The following CTXN3 variants were observed in gnomAD, a reference collection of about 807,000 sequenced individuals.
CTXN3 encodes cortexin-3.
Under a neutral mutation model 5.0 loss-of-function variants are expected in CTXN3, and 4 were observed. The observed-to-expected ratio is 0.79, with a 90% CI of 0.39 to 1.82. CTXN3 has a LOEUF of 1.82. CTXN3 is among the 40% of genes most tolerant of loss of function. The probability of loss-of-function intolerance (pLI) is 0.04; values close to 1 mark genes in which losing one functional copy is unlikely to be tolerated. For synonymous variants in CTXN3, 48 were observed against 38.6 expected (o/e 1.24, Z -0.91); for missense variants, 89 against 99.7 (o/e 0.89, Z 0.46).
intron 1 of CTXN3, among the ~76,000 whole-genome samples, chr5:127,650,757 G>A (rs575226083): frequency 6.1e-4 from 93 of 152,326 alleles, no homozygotes; most frequent in African/African-American, 2.1e-3. Context: ...CTTAGATAAC[G>A]AGGTGGCTTA....
intron 2 of CTXN3, among the ~76,000 whole-genome samples, chr5:127,656,397 A>C (rs944225054): frequency 3.9e-5 from 6 of 152,196 alleles, no homozygotes. Context: ...TAAAATTAAA[A>C]TAGTGTTAGC....
At position 127,657,482 on chromosome 5, in the gene CTXN3, A is replaced by G. The variant is rs1749935718; in HGVS notation, c.-40A>G. On this transcript the variant is annotated 5_prime_UTR_variant, in exon 3 of 3. Coordinates refer to ENST00000379445, the MANE Select transcript of CTXN3 (RefSeq NM_001048252.3). ...CCTCCGCAGATTGATGATGGAAGAA[A>G]AGAAAACCAGGATATCCTGTGCTCT... 1.9e-6 allele frequency: 3 copies of G among 1,607,908 alleles called. No homozygotes were observed. The highest frequency in any genetic ancestry group is 2.5e-6 in the Non-Finnish European group (3 of 1,176,732).
chr5:127,652,172 G>A (rs745648939), intron 1 of CTXN3: 2 of 152,114 alleles, frequency 1.3e-5, no homozygotes, highest in Non-Finnish European at 2.9e-5. Flanking sequence ...ATAACTTATG[G>A]CTCTTCAAAT....
At chr5:127,654,791 C>T (rs1318948881) in intron 2 of CTXN3, among the ~76,000 whole-genome samples, 3 of 152,118 alleles carry the variant, frequency 2.0e-5, no homozygotes, top group Admixed American at 2.0e-4. Flanking sequence ...GTATCACCGT[C>T]CTAGTCAGCC....
At chr5:127,651,522 T>A (rs1402522999) in intron 1 of CTXN3, among the ~76,000 whole-genome samples, 1 of 152,142 alleles carries the variant, frequency 6.6e-6, no homozygotes, top group Admixed American at 6.5e-5. Context: ...TTTATAATTC[T>A]GGGCAGTTTA....
chr5:127,651,551 T>C (rs1233166543), intron 1 of CTXN3: 1 of 152,166 alleles, frequency 6.6e-6, no homozygotes, highest in African/African-American at 2.4e-5. Flanking sequence ...TTTCATACCT[T>C]AGTGTGCTTG....
At position 127,657,614 on chromosome 5, in the gene CTXN3, T is replaced by C. The variant is rs752562528; in HGVS notation, c.93T>C (p.Phe31=). Residue 31 remains phenylalanine, a synonymous_variant, in exon 3 of 3, where the codon TTT becomes TTC. Transcript: ENST00000379445. ...SSMSLEQKMT[F]VFVILLFIFL... ...TGTCCCTGGAGCAGAAAATGACATT[T>C]GTTTTTGTGATTCTGTTGTTTATTT... The C allele has an allele frequency of 3.1e-6, 5 of 1,614,220 alleles. No homozygotes were observed. The highest frequency in any genetic ancestry group is 4.2e-6 in the Non-Finnish European group (5 of 1,180,028).
intron 1 of CTXN3, among the ~76,000 whole-genome samples, chr5:127,651,008 C>G (rs1749773312): frequency 6.6e-6 from 1 of 152,166 alleles, no homozygotes; most frequent in African/African-American, 2.4e-5. Context: ...CCACAGTTAA[C>G]TTCAGAACTG....
At chr5:127,657,358 T>G in intron 2 of CTXN3, 65 bp from the exon 3 acceptor site, 4 of 705,908 alleles carry the variant, frequency 5.7e-6, no homozygotes, top group Non-Finnish European at 9.2e-6. Context: ...AAAATATGAC[T>G]GTGAACCTAA....
chr5:127,649,558 G>A (rs960445133), intron 1 of CTXN3, among the ~76,000 whole-genome samples, 170 bp downstream of exon 1: 6 of 152,320 alleles, frequency 3.9e-5, no homozygotes, highest in African/African-American at 7.2e-5. Context: ...GTTAAGAAGC[G>A]AGGGGGTAAA....
chr5:127,654,514 A>G (rs550835232), intron 2 of CTXN3, among the ~76,000 whole-genome samples: 7 of 152,322 alleles, frequency 4.6e-5, no homozygotes, highest in Non-Finnish European at 1.0e-4. Context: ...GAAGAGGCAG[A>G]TATGGCAGAT....
In CTXN3 at chr5:127,657,687, T is replaced by C. The variant is rs772566321; in HGVS notation, c.166T>C (p.Tyr56His). The C allele has an allele frequency of 5.0e-6, 8 of 1,613,948 alleles. No homozygotes were observed. Among genetic ancestry groups the C allele is most frequent in the South Asian group, 1.1e-5 (1 of 91,080 alleles). The change falls in exon 3 of 3, where the codon TAT becomes CAT. Residue 56 changes from tyrosine to histidine, a missense_variant. Physicochemically the swap from Tyr to His is moderately conservative, Grantham distance 83. Transcript: ENST00000379445. ...GTGCTTCCGGATTCTTTTGGATCCA[T>C]ATCGAAGCATGCCAACCTCTACCTG... ...VRCFRILLDP[Y>H]RSMPTSTWAD...
rs756901824 is a variant in CTXN3, at chr5:127,657,556, T to A, written c.35T>A (p.Val12Glu). The change falls in exon 3 of 3, where the codon GTG becomes GAG. Residue 12 changes from valine (V) to glutamate (E), a missense_variant. By Grantham distance (121) the Val-to-Glu change is moderately radical. Transcript: ENST00000379445. ...DGGQPIPSSL[V>E]PLGNESADSS... ...GGACAGCCCATCCCCTCATCCCTAG[T>A]GCCCCTTGGGAACGAATCAGCAGAT... is the stretch of plus-strand genomic sequence containing the variant. The A allele has an allele frequency of 1.5e-5, 25 of 1,613,718 alleles. No homozygotes were observed. Among genetic ancestry groups the A allele is most frequent in the African/African-American group, 1.3e-5 (1 of 74,904 alleles).
chr5:127,656,780 C>A (rs534183685), intron 2 of CTXN3, among the ~76,000 whole-genome samples: 2 of 152,112 alleles, frequency 1.3e-5, no homozygotes, highest in Non-Finnish European at 2.9e-5. Flanking sequence ...TATTACAGCA[C>A]CATGAAAGAT....
chr5:127,658,073 A>T lies in CTXN3; in HGVS notation c.*306A>T, dbSNP rs1426140743. On this transcript the variant is annotated 3_prime_UTR_variant, in exon 3 of 3. Transcript: ENST00000379445. ...ACTGACATAGATTTGCCATCAAACA[A>T]AACACCACCTGATCTGACTAAAGAA... 3.0e-6 allele frequency: 1 copy of T among 336,622 alleles called. No homozygotes were observed. The highest frequency in any genetic ancestry group is 5.8e-6 in the Non-Finnish European group (1 of 171,886). The allele number at this position is 336,622 out of a possible 1,614,324, so 20.9% of individuals were successfully genotyped here. A position where few individuals can be genotyped will look rare whatever the true frequency, so the allele number is the denominator to read the frequency against.
At chr5:127,652,606 C>G (rs1036780327) in intron 1 of CTXN3, among the ~76,000 whole-genome samples, 7 of 151,592 alleles carry the variant, frequency 4.6e-5, no homozygotes, top group Non-Finnish European at 8.8e-5. Flanking sequence ...GGTGTGAACC[C>G]TAAGGGAGGG....
chr5:127,649,918 TG>T (rs1580994402), intron 1 of CTXN3, among the ~76,000 whole-genome samples: 3 of 152,272 alleles, frequency 2.0e-5, no homozygotes, highest in East Asian at 3.9e-4. Flanking sequence ...GAAAACCAGG[TG>T]GAACAGTAGG....
chr5:127,657,709 C>T lies in CTXN3; in HGVS notation c.188C>T (p.Thr63Ile), dbSNP rs1749946427. Residue 63 changes from threonine to isoleucine, a missense_variant, in exon 3 of 3, where the codon ACC becomes ATC. By Grantham distance (89) the Thr-to-Ile change is moderately conservative. Transcript: ENST00000379445. Reference sequence around the variant, plus strand: ...CCATATCGAAGCATGCCAACCTCTACCTGGGCTGATGGACTTGAAGGCCTG... The same window carrying T: ...CCATATCGAAGCATGCCAACCTCTATCTGGGCTGATGGACTTGAAGGCCTG... ...LDPYRSMPTSTWADGLEGLEK... is the reference protein window; with the variant it reads ...LDPYRSMPTSIWADGLEGLEK... The T allele has an allele frequency of 2.5e-6, 4 of 1,614,048 alleles. No homozygotes were observed. Among genetic ancestry groups the T allele is most frequent in the Admixed American group, 3.3e-5 (2 of 60,014 alleles).
intron 1 of CTXN3, among the ~76,000 whole-genome samples, chr5:127,649,837 T>G (rs1439443698): frequency 2.6e-5 from 4 of 152,188 alleles, no homozygotes; most frequent in Non-Finnish European, 5.9e-5. Context: ...TGATAAGCTG[T>G]GTGCAGCACT....
Sources: allele counts gnomAD v4.1 joint callset (sites outside exome capture counted in the v4.1 genomes callset), GRCh38; gene constraint gnomAD v4.1.1; transcripts MANE v1.5; gene names NCBI Gene and HGNC (gene_info 2026-07-23, HGNC 2026-07-21).